AATK: variants seen among roughly 807,000 people sequenced by gnomAD.
The protein encoded by AATK is lemur tail kinase 1.
A neutral mutation model predicts 114.3 loss-of-function variants in AATK; 91 were observed. The ratio of observed to expected loss-of-function variants is 0.80; its 90% CI spans 0.67 to 0.95. AATK has a LOEUF of 0.95. AATK is among the 40% of genes least tolerant of loss of function. The probability of loss-of-function intolerance (pLI) is 0.00; values close to 1 mark genes in which losing one functional copy is unlikely to be tolerated. For synonymous variants in AATK, 1,075 were observed against 916.5 expected (o/e 1.17, Z -3.12); for missense variants, 2,176 against 1,965.2 (o/e 1.11, Z -2.03).
rs2061120006 is a variant in AATK at position 81,140,843 on chromosome 17, T to TG, written c.56-6343dup. ...GTGGGGCCGGGAGACCGTGGGGCCG[T>TG]GAGCCGTGGGGCTGTGGGGCCGTGA... On this transcript the variant is annotated intron_variant, in intron 1 of 13. Coordinates refer to ENST00000326724, the MANE Select transcript of AATK (RefSeq NM_001080395.3). Among the ~76,000 whole-genome samples the TG allele has an allele frequency of 4.2e-5, 2 of 47,940 alleles. 1 individual carries two copies. Among genetic ancestry groups the TG allele is most frequent in the African/African-American group, 1.9e-4 (2 of 10,460 alleles). The allele number at this position is 47,940 out of a possible 152,430, so 31.5% of individuals were successfully genotyped here.
intron 2 of AATK, chr17:81,132,780 G>A: frequency 4.5e-6 from 1 of 222,910 alleles, no homozygotes; most frequent in South Asian, 4.4e-5. Context: ...CCCAGCGCAG[G>A]TCCCCAAATC....
intron 2 of AATK, chr17:81,131,808 C>T: frequency 7.8e-7 from 1 of 1,277,926 alleles, no homozygotes; most frequent in Non-Finnish European, 1.0e-6. Flanking sequence ...GTGGGAGAAG[C>T]AATTAAGTGC....
chr17:81,120,467 G>T lies in AATK; in HGVS notation c.3469C>A (p.Arg1157=). 6.5e-7 allele frequency: 1 copy of T among 1,530,244 alleles called. No individual in the cohort carries two copies. The highest frequency in any genetic ancestry group is 1.2e-5 in the South Asian group (1 of 80,696). 94.8% of individuals were successfully genotyped at this position (1,530,244 alleles called of 1,614,324 possible). The part of the protein sequence containing the change: ...LPGLPAALEG[R]PEEEEEDSED... ...CTGTCCTCCTCCTCCTCCTCCGGCC[G>T]GCCCTCCAAGGCCGCAGGGAGGCCG... Residue 1157 remains arginine (R), a synonymous_variant, in exon 11 of 14, where the codon CGG becomes AGG. Coordinates refer to ENST00000326724, the MANE Select transcript of AATK (RefSeq NM_001080395.3).
intron 1 of AATK, among the ~76,000 whole-genome samples, chr17:81,148,557 C>T (rs2061252856): frequency 6.6e-6 from 1 of 152,260 alleles, no homozygotes; most frequent in African/African-American, 2.4e-5. Context: ...CCACACATGG[C>T]TCCGGGATGA....
intron 1 of AATK, among the ~76,000 whole-genome samples, chr17:81,152,181 G>A (rs2061307606): frequency 6.6e-6 from 1 of 152,216 alleles, no homozygotes; most frequent in Non-Finnish European, 1.5e-5. Flanking sequence ...GGGAGACTGA[G>A]GCAGAAGAAT....
intron 1 of AATK, among the ~76,000 whole-genome samples, chr17:81,135,434 T>C (rs2146338316): frequency 6.6e-6 from 1 of 152,322 alleles, no homozygotes; most frequent in East Asian, 1.9e-4. Context: ...AGGAGCTTTC[T>C]GTCCGGCTGC....
rs760765684 is a variant in AATK, at chr17:81,134,485, G to A, written c.72C>T (p.Ser24=). The A allele has an allele frequency of 4.3e-6, 7 of 1,612,278 alleles. No individual in the cohort carries two copies. Among genetic ancestry groups the A allele is most frequent in the South Asian group, 2.2e-5 (2 of 90,958 alleles). ...SHFDPDGAPL[S]ELSWPSSLAV... is the part of the protein sequence containing the mutation. ...CGAGGGAGGATGGCCAGGACAGCTC[G>A]CTGAGCGGGGCGCCGTCTGCGGGAG... The change falls in exon 2 of 14, where the codon AGC becomes AGT. Residue 24 remains serine (S), a synonymous_variant. Transcript: ENST00000326724.
chr17:81,145,650 T>C (rs1223889984), intron 1 of AATK, among the ~76,000 whole-genome samples: 2 of 149,898 alleles, frequency 1.3e-5, no homozygotes, highest in Non-Finnish European at 2.9e-5. Flanking sequence ...GGAGAATTGC[T>C]TGAACCTGGG....
intron 1 of AATK, among the ~76,000 whole-genome samples, chr17:81,147,672 C>A (rs2061240220): frequency 6.6e-6 from 1 of 151,856 alleles, no homozygotes; most frequent in African/African-American, 2.4e-5. Context: ...CGGAGGATCG[C>A]TTAAGCCCAG....
intron 4 of AATK, 70 bp downstream of exon 4, chr17:81,128,398 GGA>G: frequency 1.3e-6 from 2 of 1,524,680 alleles, no homozygotes; most frequent in Non-Finnish European, 1.8e-6. Context: ...GCTCCTAGGA[GGA>G]GCAGGTCTGC....
Position 81,162,559 on chromosome 17 carries a change from C to T in AATK, c.55+3379G>A, listed in dbSNP as rs181194300. ...GGCCTCCTGCTCAGCCCCTTGAGCC[C>T]CTGAGTCCAGCCCTGCCCCTGCCAC... On this transcript the variant is annotated intron_variant, in intron 1 of 13. Coordinates refer to ENST00000326724, the MANE Select transcript of AATK (RefSeq NM_001080395.3). Among the ~76,000 whole-genome samples the T allele has an allele frequency of 6.9e-3, 1,044 of 152,296 alleles. 3 individuals are homozygous for T. The highest frequency in any genetic ancestry group is 0.012 in the Non-Finnish European group (784 of 68,010).
In AATK at chr17:81,118,386, A is replaced by C. The variant is rs940677064; in HGVS notation, c.*16T>G. On this transcript the variant is annotated 3_prime_UTR_variant, in exon 14 of 14. Coordinates refer to ENST00000326724, the MANE Select transcript of AATK (RefSeq NM_001080395.3). ...TCCGGTGACGCCAGCCTTGAGGGGC[A>C]GGAGCTGCCCAGGTCTCAAGCCTCT... 3.1e-6 allele frequency: 5 copies of C among 1,602,742 alleles called. No individual in the cohort carries two copies. Among genetic ancestry groups the C allele is most frequent in the African/African-American group, 2.7e-5 (2 of 74,696 alleles).
chr17:81,131,896 GC>G (rs1158034186), intron 2 of AATK: 2 of 1,332,248 alleles, frequency 1.5e-6, no homozygotes, highest in Non-Finnish European at 2.0e-6. Flanking sequence ...ACCCTGGGCA[GC>G]CCACCTGCCA....
At chr17:81,128,185 G>A (rs2060875615) in intron 4 of AATK, among the ~76,000 whole-genome samples, 1 of 152,106 alleles carries the variant, frequency 6.6e-6, no homozygotes, top group African/African-American at 2.4e-5. Context: ...GAGGAAGAGG[G>A]ACCCAGGTGT....
chr17:81,154,319 C>CTTTTTTTTTTTT (rs202002919), intron 1 of AATK, among the ~76,000 whole-genome samples: 1 of 113,806 alleles, frequency 8.8e-6, no homozygotes, highest in African/African-American at 3.6e-5. Flanking sequence ...TTTTTTCTTT[C>CTTTTTTTTTTTT]TTTTTTTTTT....
Position 81,121,630 on chromosome 17 carries a change from G to A in AATK, c.2306C>T (p.Ala769Val). The A allele has an allele frequency of 1.3e-6, 2 of 1,493,076 alleles. No individual in the cohort carries two copies. The highest frequency in any genetic ancestry group is 2.4e-5 in the Admixed American group (1 of 42,210). The allele number at this position is 1,493,076 out of a possible 1,614,324, so 92.5% of individuals were successfully genotyped here. The change falls in exon 11 of 14, where the codon GCC (alanine) becomes GTC (valine). Residue 769 changes from alanine (A) to valine (V), a missense_variant. Around this residue, in one of 4 missense-constraint regions of AATK, gnomAD observed 1,701 missense variants for 1,394.7 expected, o/e 1.22. Coordinates refer to ENST00000326724, the MANE Select transcript of AATK (RefSeq NM_001080395.3). ...CLVTPSWTET[A>V]SSGGDHPQAE... is the part of the protein sequence containing the mutation. ...CTGCGGGTGGTCACCCCCACTACTG[G>A]CTGTCTCTGTCCAGGAGGGTGTAAC...
At chr17:81,143,090 G>A (rs1293339941) in intron 1 of AATK, among the ~76,000 whole-genome samples, 1 of 152,226 alleles carries the variant, frequency 6.6e-6, no homozygotes, top group Non-Finnish European at 1.5e-5. Flanking sequence ...CCGCAGCGTT[G>A]CCGGCACACG....
Position 81,127,775 on chromosome 17 carries a change from G to A in AATK, c.533+17C>T. The A allele has an allele frequency of 2.0e-6, 3 of 1,502,178 alleles. No homozygotes were observed. The highest frequency in any genetic ancestry group is 1.4e-5 in the African/African-American group (1 of 72,064). 93.1% of individuals were successfully genotyped at this position (1,502,178 alleles called of 1,614,324 possible). A position where few individuals can be genotyped will look rare whatever the true frequency, so the allele number is the denominator to read the frequency against. ...GGGGCCGCACAGCACAGGCCTTTGT[G>A]CCCGGTGGCCTCCCACCTGTAGGGC... On this transcript the variant is annotated intron_variant, in intron 5 of 13. Transcript: ENST00000326724.
Position 81,122,508 on chromosome 17 carries a change from A to G in AATK, c.1428T>C (p.Asn476=). ...GGCCCGCCTCCCACTTGTACTCAAAATTGAGGCCTCGGCTGGTCTCGGTCA... is the reference window on the plus strand; with the variant it reads ...GGCCCGCCTCCCACTTGTACTCAAAGTTGAGGCCTCGGCTGGTCTCGGTCA... The part of the protein sequence containing the change: ...LTVTETSRGL[N]FEYKWEAGRG... The change falls in exon 11 of 14, where the codon AAT becomes AAC. Residue 476 remains asparagine (N), a synonymous_variant. Transcript: ENST00000326724. 1 of 1,474,898 alleles carries G rather than the reference A, an allele frequency of 6.8e-7. No homozygotes were observed. The highest frequency in any genetic ancestry group is 9.0e-7 in the Non-Finnish European group (1 of 1,108,480). The allele number at this position is 1,474,898 out of a possible 1,614,324, so 91.4% of individuals were successfully genotyped here.
Sources: gnomAD v4.1 joint callset for allele counts (sites outside exome capture counted in the v4.1 genomes callset) on GRCh38, gnomAD v4.1.1 for gene constraint, gnomAD v4.1.1 regional missense constraint, MANE v1.5 for transcripts, NCBI Gene and HGNC (gene_info 2026-07-23, HGNC 2026-07-21) for gene names.